EREG: variants seen among roughly 807,000 people sequenced by gnomAD.
EREG encodes the protein proepiregulin.
EREG carries 23 observed loss-of-function variants against 22.4 expected under a neutral mutation model. That is an observed-to-expected ratio of 1.03 (90% confidence interval 0.74 to 1.46). The LOEUF is 1.46. Ranked by LOEUF, EREG falls within the 40% of genes most tolerant of loss-of-function variation. The pLI, the probability that EREG is intolerant of heterozygous loss-of-function variation, is 0.00. For missense variants in EREG, 226 were observed against 205.9 expected (o/e 1.10, Z -0.60); for synonymous variants, 100 against 75.4 (o/e 1.33, Z -1.69).
chr4:74,365,249 C>T lies in EREG; in HGVS notation c.-60C>T. 7.1e-7 allele frequency: 1 copy of T among 1,405,912 alleles called. No individual in the cohort carries two copies. The highest frequency in any genetic ancestry group is 9.9e-7 in the Non-Finnish European group (1 of 1,009,952). 87.1% of individuals were successfully genotyped at this position (1,405,912 alleles called of 1,614,324 possible). ...TGCCGCGAGCCCGTCTGCTCCCGCC[C>T]TGCCCGTGCACTCTCCGCAGCCGCC... On this transcript the variant is annotated 5_prime_UTR_variant, in exon 1 of 5. Transcript: ENST00000244869.
At chr4:74,377,215 A>T (rs1488993622) in intron 1 of EREG, among the ~76,000 whole-genome samples, 1 of 152,116 alleles carries the variant, frequency 6.6e-6, no homozygotes. Context: ...AAAATCTATA[A>T]GATAGGAAAA....
intron 1 of EREG, among the ~76,000 whole-genome samples, chr4:74,365,599 G>A (rs956489278): frequency 6.6e-6 from 1 of 151,588 alleles, no homozygotes; most frequent in African/African-American, 2.4e-5. Flanking sequence ...ATTAATTATT[G>A]GCATATATGT....
intron 3 of EREG, 126 bp from the exon 4 acceptor site, chr4:74,382,519 A>T: frequency 2.9e-6 from 2 of 685,240 alleles, no homozygotes; most frequent in East Asian, 2.7e-5. Flanking sequence ...AATCCTCTTT[A>T]CAATCTTTAG....
At chr4:74,380,916 T>A (rs1169312382) in intron 2 of EREG, 98 bp from the exon 3 acceptor site, 2 of 1,304,886 alleles carry the variant, frequency 1.5e-6, no homozygotes, top group Non-Finnish European at 2.1e-6. Flanking sequence ...GCATCTGACT[T>A]GTTGTGTAGA....
chr4:74,365,364 T>C lies in EREG; in HGVS notation c.56T>C (p.Leu19Pro), dbSNP rs764710560. The C allele has an allele frequency of 1.9e-6, 3 of 1,611,682 alleles. No homozygotes were observed. Among genetic ancestry groups the C allele is most frequent in the South Asian group, 1.1e-5 (1 of 91,074 alleles). ...MLCAGRVPAL[L>P]LCLGFHLLQA... The stretch of plus-strand genomic sequence containing the variant: ...TGTGCCGGCAGGGTCCCTGCGCTGC[T>C]GCTCTGCCTGGGTAAGTTCTCCCCC... The change falls in exon 1 of 5, where the codon CTG becomes CCG. Residue 19 changes from leucine (L) to proline (P), a missense_variant. Leu to Pro is a moderately conservative substitution (Grantham distance 98). Transcript: ENST00000244869.
chr4:74,372,318 C>A lies in EREG; in HGVS notation c.67+6943C>A, dbSNP rs911649848. ...TAATTAATTTCGAGTCTTTTGAAAT[C>A]ATCTTTAATGGATTCCCTTTCTCTT... is the stretch of plus-strand genomic sequence containing the variant. On this transcript the variant is annotated intron_variant, in intron 1 of 4. Transcript: ENST00000244869. Among the ~76,000 whole-genome samples the A allele has an allele frequency of 3.3e-5, 5 of 152,328 alleles. No individual in the cohort carries two copies. The South Asian group carries it at 8.3e-4, about 25-fold the overall frequency.
Position 74,384,992 on chromosome 4 carries a change from C to A in EREG, c.*184C>A, listed in dbSNP as rs1752546827. On this transcript the variant is annotated 3_prime_UTR_variant, in exon 5 of 5. Transcript: ENST00000244869. ...AGACTATTTGCTAATGTATAATGTG[C>A]AGAAAATATTTAATATCAAAAGAAA... 4.5e-6 allele frequency: 2 copies of A among 447,792 alleles called. No homozygotes were observed. Among genetic ancestry groups the A allele is most frequent in the Admixed American group, 3.7e-5 (1 of 26,934 alleles). 27.7% of individuals were successfully genotyped at this position (447,792 alleles called of 1,614,324 possible).
chr4:74,382,496 A>T (rs1363978694), intron 3 of EREG, 149 bp from the exon 4 acceptor site: 1 of 598,690 alleles, frequency 1.7e-6, no homozygotes, highest in African/African-American at 1.9e-5. Flanking sequence ...TACTGGTCTA[A>T]CTCAATCTTT....
chr4:74,375,564 C>T (rs1287025133), intron 1 of EREG, among the ~76,000 whole-genome samples: 1 of 151,218 alleles, frequency 6.6e-6, no homozygotes, highest in Non-Finnish European at 1.5e-5. Context: ...ATCCTGACCT[C>T]GTGATCCGCA....
rs909627861 is a variant in EREG, at chr4:74,387,685, T to A, written c.*2877T>A. ...ACAGTGGGAAGATTTTAGTTCACAC[T>A]TAGTCTAACTCCCCCATTTTACAGA... On this transcript the variant is annotated 3_prime_UTR_variant, in exon 5 of 5. Coordinates refer to ENST00000244869, the MANE Select transcript of EREG (RefSeq NM_001432.3). 5 of 152,186 alleles carry A rather than the reference T, an allele frequency of 3.3e-5. No individual in the cohort carries two copies. The highest frequency in any genetic ancestry group is 1.2e-4 in the African/African-American group (5 of 41,458). 9.4% of individuals were successfully genotyped at this position (152,186 alleles called of 1,614,324 possible).
chr4:74,381,833 A>T (rs2110389082), intron 3 of EREG: 1 of 150,158 alleles, frequency 6.7e-6, no homozygotes, highest in East Asian at 2.0e-4. Context: ...AAAAAAAAAA[A>T]AATTAGCCAG....
chr4:74,386,001 TC>T lies in EREG; in HGVS notation c.*1195del. The T allele has an allele frequency of 2.7e-6, 1 of 375,408 alleles. No individual in the cohort carries two copies. Among genetic ancestry groups the T allele is most frequent in the Non-Finnish European group, 4.7e-6 (1 of 211,060 alleles). The allele number at this position is 375,408 out of a possible 1,614,324, so 23.3% of individuals were successfully genotyped here. ...AAAATGTAGAAACTTAAACACACCT[TC>T]CTGTGGAGGCTGAGATGAAAACTAG... On this transcript the variant is annotated 3_prime_UTR_variant, in exon 5 of 5. Coordinates refer to ENST00000244869, the MANE Select transcript of EREG (RefSeq NM_001432.3).
intron 4 of EREG, among the ~76,000 whole-genome samples, chr4:74,383,649 T>G (rs764762204): frequency 6.6e-6 from 1 of 152,164 alleles, no homozygotes; most frequent in African/African-American, 2.4e-5. Flanking sequence ...TTGAAACAGT[T>G]ACAAATTACT....
At chr4:74,373,116 T>A (rs1752320502) in intron 1 of EREG, among the ~76,000 whole-genome samples, 1 of 151,970 alleles carries the variant, frequency 6.6e-6, no homozygotes, top group African/African-American at 2.4e-5. Context: ...TTGGTATGTA[T>A]TCTCCTGCAT....
chr4:74,385,855 G>A lies in EREG; in HGVS notation c.*1047G>A. On this transcript the variant is annotated 3_prime_UTR_variant, in exon 5 of 5. Coordinates refer to ENST00000244869, the MANE Select transcript of EREG (RefSeq NM_001432.3). ...TTAACTTTAATACAGCTCAGTAAATGGCTTCTTCTAGAATGTAAAGTTATG... is the reference window on the plus strand; with the variant it reads ...TTAACTTTAATACAGCTCAGTAAATAGCTTCTTCTAGAATGTAAAGTTATG... 2.5e-6 allele frequency: 1 copy of A among 396,634 alleles called. No individual in the cohort carries two copies. Among genetic ancestry groups the A allele is most frequent in the East Asian group, 3.6e-5 (1 of 27,894 alleles). The allele number at this position is 396,634 out of a possible 1,614,324, so 24.6% of individuals were successfully genotyped here.
chr4:74,369,000 T>C (rs1000447508), intron 1 of EREG, among the ~76,000 whole-genome samples: 3 of 152,212 alleles, frequency 2.0e-5, no homozygotes, highest in African/African-American at 7.2e-5. Flanking sequence ...CACATAAAGG[T>C]TGAGTGGCCT....
chr4:74,382,421 CT>C (rs1424249479), intron 3 of EREG: 4 of 416,460 alleles, frequency 9.6e-6, no homozygotes, highest in Non-Finnish European at 1.7e-5. Flanking sequence ...ACCATGACAG[CT>C]GAACACAACC....
chr4:74,373,068 G>T (rs916809286), intron 1 of EREG, among the ~76,000 whole-genome samples: 2 of 146,702 alleles, frequency 1.4e-5, no homozygotes, highest in Non-Finnish European at 3.0e-5. Flanking sequence ...ACCAGCCTCA[G>T]CCTCCCAAAG....
intron 1 of EREG, among the ~76,000 whole-genome samples, chr4:74,369,933 A>G (rs912927752): frequency 6.6e-6 from 1 of 152,118 alleles, no homozygotes; most frequent in African/African-American, 2.4e-5. Context: ...AGCTGTCATC[A>G]TAAAAATGGT....
Sources: gnomAD v4.1 joint callset for allele counts (sites outside exome capture counted in the v4.1 genomes callset) on GRCh38, gnomAD v4.1.1 for gene constraint, MANE v1.5 for transcripts, NCBI Gene and HGNC (gene_info 2026-07-23, HGNC 2026-07-21) for gene names.